Variants in TRIP12 observed in about 807,000 individuals in gnomAD.
TRIP12 encodes thyroid hormone receptor interactor 12, also known as E3 ubiquitin-protein ligase TRIP12.
A neutral mutation model predicts 244.2 loss-of-function variants in TRIP12; 25 were observed. The observed-to-expected ratio is 0.10, with a 90% confidence interval of 0.07 to 0.14. The LOEUF (loss-of-function observed/expected upper bound fraction) is 0.14. Among genes scored for constraint, TRIP12 ranks in the 10% least tolerant of loss-of-function variants. TRIP12 has a pLI of 1.00. For synonymous variants in TRIP12, 905 were observed against 873.1 expected (o/e 1.04, Z -0.64); for missense variants, 1,677 against 2,486.4 (o/e 0.67, Z 6.92).
chr2:229,803,810 A>T, intron 19 of TRIP12, 121 bp from the exon 20 acceptor site: 1 of 902,778 alleles, frequency 1.1e-6, no homozygotes, highest in Non-Finnish European at 1.7e-6. Flanking sequence ...TAACATAAAC[A>T]TTTTTCTTAA....
rs778230747 is a variant in TRIP12, at chr2:229,879,933, T to TC, written c.98+48_98+49insG. On this transcript the variant is annotated intron_variant, in intron 2 of 41. Coordinates refer to ENST00000675903, the MANE Select transcript of TRIP12 (RefSeq NM_001348323.3). ...GACCTCGCAAGGAGGCTTAAAAATA[T>TC]TTTTTCTTTTATTCCCAATTCCTTT... The TC allele has an allele frequency of 1.0e-5, 16 of 1,601,846 alleles. No homozygotes were observed. The East Asian group carries it at 3.6e-4, about 36-fold the overall frequency.
At chr2:229,823,409 C>T (rs1274445070) in intron 8 of TRIP12, among the ~76,000 whole-genome samples, 1 of 152,058 alleles carries the variant, frequency 6.6e-6, no homozygotes. Context: ...CATGGTGGCT[C>T]ACGCCTGTAG....
At chr2:229,905,867 T>C (rs942069517) in intron 1 of TRIP12, among the ~76,000 whole-genome samples, 5 of 152,170 alleles carry the variant, frequency 3.3e-5, no homozygotes, top group Non-Finnish European at 7.3e-5. Context: ...GAGTATCCAA[T>C]AGCCAATGAG....
chr2:229,774,366 C>G, intron 37 of TRIP12, 105 bp from the exon 38 acceptor site: 1 of 1,175,580 alleles, frequency 8.5e-7, no homozygotes, highest in East Asian at 2.5e-5. Context: ...CCTAATAAAG[C>G]TGATGGGTTC....
At chr2:229,810,493 G>A (rs1413367897) in intron 15 of TRIP12, among the ~76,000 whole-genome samples, 1 of 152,140 alleles carries the variant, frequency 6.6e-6, no homozygotes, top group Admixed American at 6.5e-5. Flanking sequence ...CAGCATTCTG[G>A]AATCAGAAAA....
At position 229,811,348 on chromosome 2, in the gene TRIP12, C is replaced by T. The variant is rs1228251753; in HGVS notation, c.1987-144G>A. ...GACAGCTTTGAAAATGCAAATGGGC[C>T]TAAGCAAGGTACAGTCAGTAACATC... is the stretch of plus-strand genomic sequence containing the variant. On this transcript the variant is annotated intron_variant, in intron 13 of 41. Transcript: ENST00000675903. The T allele has an allele frequency of 2.7e-5, 21 of 787,426 alleles. No individual in the cohort carries two copies. In the East Asian group the frequency reaches 5.7e-4, roughly 21 times the overall value. 48.8% of individuals were successfully genotyped at this position (787,426 alleles called of 1,614,324 possible). A position where few individuals can be genotyped will look rare whatever the true frequency, so the allele number is the denominator to read the frequency against.
rs1046843212 is a variant in TRIP12, at chr2:229,792,994, C to T, written c.4120G>A (p.Glu1374Lys). 1 of 1,613,440 alleles carries T rather than the reference C, an allele frequency of 6.2e-7. No homozygotes were observed. The highest frequency in any genetic ancestry group is 8.5e-7 in the Non-Finnish European group (1 of 1,179,702). Residue 1374 changes from glutamate to lysine, a missense_variant, in exon 27 of 42, where the codon GAG (glutamate) becomes AAG (lysine). Physicochemically the swap from Glu to Lys is moderately conservative, Grantham distance 56. Transcript: ENST00000675903. ...GTACCTCTAACTACAAGGTATCTCT[C>T]GATGGCTTGTACCAAAGCCAGAGGG... is the stretch of plus-strand genomic sequence containing the variant. The part of the protein sequence containing the change: ...IDPLALVQAI[E>K]RYLVVRGYGR...
rs1448005079 is a variant in TRIP12, at chr2:229,871,440, C to G, written c.98+8542G>C. 5.9e-5 allele frequency among the ~76,000 whole-genome samples: 9 copies of G among 152,112 alleles called. 1 individual carries two copies. The South Asian group carries it at 1.2e-3, about 21-fold the overall frequency. On this transcript the variant is annotated intron_variant, in intron 2 of 41. Coordinates refer to ENST00000675903, the MANE Select transcript of TRIP12 (RefSeq NM_001348323.3). Reference sequence around the variant, plus strand: ...TGGATCCCTCATGAATGGCTTAATGCCAATGCCCTTGGGGTGAATGAATTC... The same window carrying G: ...TGGATCCCTCATGAATGGCTTAATGGCAATGCCCTTGGGGTGAATGAATTC...
chr2:229,782,119 T>TTGC (rs2154249800), intron 34 of TRIP12, among the ~76,000 whole-genome samples: 1 of 152,210 alleles, frequency 6.6e-6, no homozygotes, highest in Non-Finnish European at 1.5e-5. Flanking sequence ...ACTAAAAACA[T>TTGC]ACCAAATGGT....
intron 4 of TRIP12, among the ~76,000 whole-genome samples, chr2:229,841,335 T>TTA (rs1398451913): frequency 6.6e-6 from 1 of 152,158 alleles, no homozygotes; most frequent in African/African-American, 2.4e-5. Flanking sequence ...TTCAGTTAGT[T>TTA]TATATAAGGC....
intron 1 of TRIP12, among the ~76,000 whole-genome samples, chr2:229,908,809 C>A (rs551639359): frequency 6.6e-6 from 1 of 150,868 alleles, no homozygotes; most frequent in African/African-American, 2.4e-5. Context: ...GGAGGCTATG[C>A]GGCCAGACAT....
chr2:229,846,145 AAGC>A (rs2057541214), intron 4 of TRIP12, among the ~76,000 whole-genome samples: 1 of 152,168 alleles, frequency 6.6e-6, no homozygotes, highest in Non-Finnish European at 1.5e-5. Flanking sequence ...CTTAGTGATA[AAGC>A]AGCAGCAGCA....
Position 229,917,901 on chromosome 2 carries a change from T to C in TRIP12, c.-50+3979A>G, listed in dbSNP as rs983406586. ...GTGGAGACAGTCTCACTATGTTGCCTGGGCTACAACTCCTAGCCTCAAGCG... is the reference window on the plus strand; with the variant it reads ...GTGGAGACAGTCTCACTATGTTGCCCGGGCTACAACTCCTAGCCTCAAGCG... On this transcript the variant is annotated intron_variant, in intron 1 of 41. Transcript: ENST00000675903. 7.2e-5 allele frequency among the ~76,000 whole-genome samples: 11 copies of C among 152,248 alleles called. No individual in the cohort carries two copies. The East Asian group carries it at 1.5e-3, about 21-fold the overall frequency.
chr2:229,834,810 A>G (rs2054365588), intron 6 of TRIP12, among the ~76,000 whole-genome samples: 1 of 152,134 alleles, frequency 6.6e-6, no homozygotes. Flanking sequence ...GACTCGTGGG[A>G]AAGCGTGGCA....
intron 25 of TRIP12, among the ~76,000 whole-genome samples, chr2:229,795,774 A>G (rs1195163697): frequency 6.6e-6 from 1 of 152,234 alleles, no homozygotes; most frequent in Non-Finnish European, 1.5e-5. Context: ...GGGGTTTCAG[A>G]AAAGAGATTG....
chr2:229,884,834 G>A (rs544258223), intron 1 of TRIP12, among the ~76,000 whole-genome samples: 2 of 152,218 alleles, frequency 1.3e-5, no homozygotes, highest in African/African-American at 4.8e-5. Context: ...AGCCAGGCAG[G>A]ACGGTGCACA....
chr2:229,891,208 C>G (rs1391383682), intron 1 of TRIP12, among the ~76,000 whole-genome samples: 1 of 151,916 alleles, frequency 6.6e-6, no homozygotes, highest in Non-Finnish European at 1.5e-5. Flanking sequence ...ATCACTTGAT[C>G]TCAGGAGTTT....
At chr2:229,881,133 G>A (rs1004640211) in intron 1 of TRIP12, among the ~76,000 whole-genome samples, 49 of 152,230 alleles carry the variant, frequency 3.2e-4, no homozygotes, top group African/African-American at 1.2e-3. Flanking sequence ...AAACCAGTAC[G>A]TTACCTACCT....
At chr2:229,884,340 G>A (rs1254897627) in intron 1 of TRIP12, among the ~76,000 whole-genome samples, 3 of 148,004 alleles carry the variant, frequency 2.0e-5, no homozygotes, top group Middle Eastern at 3.3e-3. Context: ...GGGCTCAAGC[G>A]ATTCTCCTGC....
Sources: allele counts gnomAD v4.1 joint callset (sites outside exome capture counted in the v4.1 genomes callset), GRCh38; gene constraint gnomAD v4.1.1; transcripts MANE v1.5; gene names NCBI Gene and HGNC (gene_info 2026-07-23, HGNC 2026-07-21).